The following CYB5B variants were observed in gnomAD, a reference collection of about 807,000 sequenced individuals.
The protein encoded by CYB5B is cytochrome b5 type B (outer mitochondrial membrane).
CYB5B carries 14 observed loss-of-function variants against 21.3 expected under a neutral mutation model. The ratio of observed to expected loss-of-function variants is 0.66; its 90% CI spans 0.43 to 1.03. The LOEUF (loss-of-function observed/expected upper bound fraction) is 1.03, where lower values mean the gene tolerates loss of function less well. Among genes scored for constraint, CYB5B ranks in the 50% least tolerant of loss-of-function variants. CYB5B has a pLI of 0.00. For missense variants in CYB5B, 166 were observed against 185.1 expected, an observed-to-expected ratio of 0.90 and a Z score of 0.60; for synonymous variants, 69 against 68.4, an observed-to-expected ratio of 1.01 and a Z score of -0.04.
At chr16:69,448,839 C>T (rs1286077081) in intron 3 of CYB5B, 1 of 152,172 alleles carries the variant, frequency 6.6e-6, no homozygotes, top group East Asian at 1.9e-4. Context: ...TTTAAAGGGA[C>T]AGCAGTTTAG....
At chr16:69,461,092 C>A (rs1281545041) in intron 4 of CYB5B, among the ~76,000 whole-genome samples, 2 of 152,026 alleles carry the variant, frequency 1.3e-5, no homozygotes, top group South Asian at 4.1e-4. Flanking sequence ...GTGGGTGGAT[C>A]ACGAGGACGG....
intron 1 of CYB5B, among the ~76,000 whole-genome samples, chr16:69,445,164 A>T (rs1401494189): frequency 6.6e-6 from 1 of 152,260 alleles, no homozygotes. Flanking sequence ...TGTATAGAAC[A>T]AATTGGGACA....
chr16:69,460,324 T>A (rs1318776607), intron 4 of CYB5B, among the ~76,000 whole-genome samples: 2 of 152,042 alleles, frequency 1.3e-5, no homozygotes, highest in Non-Finnish European at 2.9e-5. Flanking sequence ...GTAGAAGATA[T>A]AAAGAATTCC....
intron 1 of CYB5B, among the ~76,000 whole-genome samples, chr16:69,437,156 A>G (rs1313632648): frequency 6.6e-6 from 1 of 152,248 alleles, no homozygotes. Context: ...GACAGAAATG[A>G]ATAGATCACA....
Position 69,463,588 on chromosome 16 carries a change from T to C in CYB5B, c.*1068T>C, listed in dbSNP as rs968279000. The C allele has an allele frequency of 5.3e-5, 8 of 152,186 alleles. No homozygotes were observed. Among genetic ancestry groups the C allele is most frequent in the Admixed American group, 3.9e-4 (6 of 15,280 alleles). 9.4% of individuals were successfully genotyped at this position (152,186 alleles called of 1,614,324 possible). A position where few individuals can be genotyped will look rare whatever the true frequency, so the allele number is the denominator to read the frequency against. ...GTTTCCCTCCTTTTTTGTTTGTTGATTAGCAAATTTTTGATTCTCCATTTT... is the reference window on the plus strand; with the variant it reads ...GTTTCCCTCCTTTTTTGTTTGTTGACTAGCAAATTTTTGATTCTCCATTTT... On this transcript the variant is annotated 3_prime_UTR_variant, in exon 5 of 5. Coordinates refer to ENST00000307892, the MANE Select transcript of CYB5B (RefSeq NM_030579.3).
chr16:69,457,166 A>C (rs574997929), intron 3 of CYB5B, among the ~76,000 whole-genome samples: 3 of 152,322 alleles, frequency 2.0e-5, no homozygotes, highest in African/African-American at 4.8e-5. Context: ...ATTTCAGCAT[A>C]GTACGGTTTT....
intron 3 of CYB5B, among the ~76,000 whole-genome samples, chr16:69,454,875 G>GT (rs1334731870): frequency 6.6e-6 from 1 of 152,078 alleles, no homozygotes; most frequent in Non-Finnish European, 1.5e-5. Flanking sequence ...ATAATGCCCT[G>GT]TTTTTTGGGG....
At chr16:69,442,570 C>G (rs1051691267) in intron 1 of CYB5B, among the ~76,000 whole-genome samples, 11 of 152,030 alleles carry the variant, frequency 7.2e-5, no homozygotes, top group African/African-American at 2.7e-4. Context: ...CTCCGTTGCC[C>G]AGGCTGCAGT....
At chr16:69,460,901 C>A (rs1046317414) in intron 4 of CYB5B, among the ~76,000 whole-genome samples, 23 of 152,266 alleles carry the variant, frequency 1.5e-4, no homozygotes, top group African/African-American at 5.5e-4. Flanking sequence ...TATTGTTGAA[C>A]CTGAATCTCC....
In CYB5B at chr16:69,447,174, C is replaced by T; in HGVS notation, c.199C>T (p.Leu67=). ...NEHPGGEEVL[L]EQAGVDASES... is the part of the protein sequence containing the mutation. Reference sequence around the variant, plus strand: ...GCACCCTGGAGGAGAAGAGGTTCTGCTGGAACAAGCTGGTGTAGATGCAAG... The same window carrying T: ...GCACCCTGGAGGAGAAGAGGTTCTGTTGGAACAAGCTGGTGTAGATGCAAG... The change falls in exon 2 of 5, where the codon CTG becomes TTG. Residue 67 remains leucine (L), a synonymous_variant. Transcript: ENST00000307892. 6.2e-7 allele frequency: 1 copy of T among 1,614,034 alleles called. No individual in the cohort carries two copies. The highest frequency in any genetic ancestry group is 8.5e-7 in the Non-Finnish European group (1 of 1,179,976).
At chr16:69,451,293 C>A (rs1462663636) in intron 3 of CYB5B, among the ~76,000 whole-genome samples, 1 of 152,176 alleles carries the variant, frequency 6.6e-6, no homozygotes, top group Non-Finnish European at 1.5e-5. Context: ...AGACTCAGTG[C>A]TCTCTGTGCC....
Position 69,465,692 on chromosome 16 carries a change from A to T in CYB5B, c.*3172A>T, listed in dbSNP as rs528332897. 6.6e-5 allele frequency: 10 copies of T among 152,178 alleles called. No homozygotes were observed. The highest frequency in any genetic ancestry group is 2.4e-4 in the African/African-American group (10 of 41,424). The allele number at this position is 152,178 out of a possible 1,614,324, so 9.4% of individuals were successfully genotyped here. On this transcript the variant is annotated 3_prime_UTR_variant, in exon 5 of 5. Transcript: ENST00000307892. ...ATCTCCTGCTTTAAAATCTCAAGCG[A>T]TATCTATCTGGTTAAATTCCATTTT...
rs77720661 is a variant in CYB5B, at chr16:69,462,843, T to A, written c.*323T>A. 6,733 of 234,714 alleles carry A rather than the reference T, an allele frequency of 0.029. 126 individuals carry two copies. The highest frequency in any genetic ancestry group is 0.049 in the East Asian group (557 of 11,454). The allele number at this position is 234,714 out of a possible 1,614,324, so 14.5% of individuals were successfully genotyped here. ...GACATTGCTCTTTGGTAAAAATGCCTGCTTTCCAATACTTTGATTGCATAT... is the reference window on the plus strand; with the variant it reads ...GACATTGCTCTTTGGTAAAAATGCCAGCTTTCCAATACTTTGATTGCATAT... On this transcript the variant is annotated 3_prime_UTR_variant, in exon 5 of 5. Coordinates refer to ENST00000307892, the MANE Select transcript of CYB5B (RefSeq NM_030579.3).
intron 1 of CYB5B, among the ~76,000 whole-genome samples, chr16:69,445,430 C>T (rs897657428): frequency 6.6e-6 from 1 of 152,122 alleles, no homozygotes; most frequent in African/African-American, 2.4e-5. Flanking sequence ...AGTTTTTATA[C>T]TTCAATTGAA....
At chr16:69,438,653 C>T (rs1232405873) in intron 1 of CYB5B, among the ~76,000 whole-genome samples, 2 of 151,620 alleles carry the variant, frequency 1.3e-5, no homozygotes, top group African/African-American at 4.9e-5. Context: ...GAATTCATTT[C>T]CTGAATGACT....
intron 1 of CYB5B, among the ~76,000 whole-genome samples, chr16:69,430,754 A>G (rs556018175): frequency 3.3e-5 from 5 of 151,090 alleles, no homozygotes; most frequent in South Asian, 2.1e-4. Context: ...GCTCACTGCA[A>G]CCTCTGCCTC....
At chr16:69,451,621 G>A (rs2014931322) in intron 3 of CYB5B, among the ~76,000 whole-genome samples, 1 of 151,598 alleles carries the variant, frequency 6.6e-6, no homozygotes, top group Non-Finnish European at 1.5e-5. Flanking sequence ...AATGTACATG[G>A]TAAAAAAAAA....
At position 69,424,802 on chromosome 16, in the gene CYB5B, A is replaced by G. The variant is rs1167102225; in HGVS notation, c.119A>G (p.Glu40Gly). 6.2e-7 allele frequency: 1 copy of G among 1,608,012 alleles called. No individual in the cohort carries two copies. Among genetic ancestry groups the G allele is most frequent in the South Asian group, 1.1e-5 (1 of 90,344 alleles). ...GTGGCAAAGCGCAACTCCTTGAAGG[A>G]ACTGTGGCTTGTGATCCATGGGCGA... ...EEVAKRNSLK[E>G]LWLVIHGRVY... Residue 40 changes from glutamate to glycine, a missense_variant, in exon 1 of 5, where the codon GAA (glutamate) becomes GGA (glycine). Physicochemically the swap from Glu to Gly is moderately conservative, Grantham distance 98. Transcript: ENST00000307892.
At chr16:69,426,542 T>G (rs2014649147) in intron 1 of CYB5B, among the ~76,000 whole-genome samples, 1 of 147,826 alleles carries the variant, frequency 6.8e-6, no homozygotes, top group Admixed American at 6.8e-5. Flanking sequence ...CCGACTCTAC[T>G]AAAAATACAA....
Sources: allele counts gnomAD v4.1 joint callset (sites outside exome capture counted in the v4.1 genomes callset), GRCh38; gene constraint gnomAD v4.1.1; transcripts MANE v1.5; gene names NCBI Gene and HGNC (gene_info 2026-07-23, HGNC 2026-07-21).